Variants in LRPAP1 observed in about 807,000 individuals in gnomAD.
LRPAP1 encodes the protein LDL receptor related protein associated protein 1.
A neutral mutation model predicts 39.9 loss-of-function variants in LRPAP1; 41 were observed. The observed-to-expected ratio is 1.03, with a 90% CI of 0.80 to 1.33. The LOEUF is 1.33. LRPAP1 is among the 40% of genes most tolerant of loss of function. The pLI is 0.00. For synonymous variants in LRPAP1, 263 were observed against 212.7 expected (o/e 1.24, Z -2.06); for missense variants, 565 against 482.3 (o/e 1.17, Z -1.61).
At chr4:3,515,734 C>T (rs1051659946) in intron 6 of LRPAP1, 1 of 266,138 alleles carries the variant, frequency 3.8e-6, no homozygotes, top group Non-Finnish European at 7.3e-6. Context: ...GGTCTCCTTC[C>T]CTCCCTGGGC....
chr4:3,517,604 C>A (rs1368542413), intron 5 of LRPAP1: 2 of 157,600 alleles, frequency 1.3e-5, no homozygotes, highest in Non-Finnish European at 2.8e-5. Flanking sequence ...GACGGAGCCA[C>A]AAGCTCTGTG....
Position 3,506,464 on chromosome 4 carries a change from C to A in LRPAP1, c.*6510G>T, listed in dbSNP as rs1025500772. On this transcript the variant is annotated 3_prime_UTR_variant, in exon 8 of 8. Transcript: ENST00000650182. The stretch of plus-strand genomic sequence containing the variant: ...CTCGGCTCACTGCAACCTCTGCCTC[C>A]CAGGTTCAAGCCATTCTCCTGCCTC... 1 of 152,376 alleles carries A rather than the reference C, an allele frequency of 6.6e-6. No homozygotes were observed. Among genetic ancestry groups the A allele is most frequent in the Non-Finnish European group, 1.5e-5 (1 of 68,264 alleles). 9.4% of individuals were successfully genotyped at this position (152,376 alleles called of 1,614,324 possible). A position where few individuals can be genotyped will look rare whatever the true frequency, so the allele number is the denominator to read the frequency against.
Position 3,505,397 on chromosome 4 carries a change from AGTG to A in LRPAP1, c.*7574_*7576del, listed in dbSNP as rs1227068230. Among the ~76,000 whole-genome samples, 3 of 152,164 alleles carry A rather than the reference AGTG, an allele frequency of 2.0e-5. No individual in the cohort carries two copies. Among genetic ancestry groups the A allele is most frequent in the Non-Finnish European group, 2.9e-5 (2 of 68,016 alleles). On this transcript the variant is annotated 3_prime_UTR_variant, in exon 8 of 8. Coordinates refer to ENST00000650182, the MANE Select transcript of LRPAP1 (RefSeq NM_002337.4). ...GCTGCTGGCCCCATCGCTGGGAAGG[AGTG>A]GTTTGACCCCTCACCACTGAGAGGA...
intron 1 of LRPAP1, among the ~76,000 whole-genome samples, chr4:3,528,112 G>T (rs1049931587): frequency 6.6e-6 from 1 of 152,182 alleles, no homozygotes; most frequent in Non-Finnish European, 1.5e-5. Context: ...AGCAGGTCAC[G>T]TGCAGACCCC....
rs1451849230 is a variant in LRPAP1 at position 3,506,582 on chromosome 4, G to C, written c.*6392C>G. ...AGATGGGGTTTCACCATGTTGGCCA[G>C]GCTGGTCTCAAACTCCTGACCTCAC... is the stretch of plus-strand genomic sequence containing the variant. On this transcript the variant is annotated 3_prime_UTR_variant, in exon 8 of 8. Coordinates refer to ENST00000650182, the MANE Select transcript of LRPAP1 (RefSeq NM_002337.4). 6.6e-6 allele frequency: 1 copy of C among 151,772 alleles called. No individual in the cohort carries two copies. The highest frequency in any genetic ancestry group is 2.4e-5 in the African/African-American group (1 of 41,248). The allele number at this position is 151,772 out of a possible 1,614,324, so 9.4% of individuals were successfully genotyped here.
intron 1 of LRPAP1, among the ~76,000 whole-genome samples, chr4:3,526,007 G>T (rs558180800): frequency 6.6e-6 from 1 of 152,218 alleles, no homozygotes; most frequent in Admixed American, 6.5e-5. Context: ...AGGCTCTTCC[G>T]TGCAGAGCAG....
rs962092420 is a variant in LRPAP1, at chr4:3,504,511, A to T, written c.*8463T>A. The stretch of plus-strand genomic sequence containing the variant: ...ATGCCTACAATCCCAGCACTTTGGG[A>T]GGCCGAGGTGGGCGGATTGCCTGAG... On this transcript the variant is annotated 3_prime_UTR_variant, in exon 8 of 8. Transcript: ENST00000650182. 2 of 151,976 alleles carry T rather than the reference A, an allele frequency of 1.3e-5. No individual in the cohort carries two copies. Among genetic ancestry groups the T allele is most frequent in the Non-Finnish European group, 2.9e-5 (2 of 68,038 alleles). 9.4% of individuals were successfully genotyped at this position (151,976 alleles called of 1,614,324 possible).
chr4:3,527,647 T>C (rs1293684289), intron 1 of LRPAP1, among the ~76,000 whole-genome samples: 1 of 152,210 alleles, frequency 6.6e-6, no homozygotes, highest in East Asian at 1.9e-4. Flanking sequence ...TGCTCTCAAG[T>C]GTGTGCTGGC....
intron 4 of LRPAP1, 66 bp downstream of exon 4, chr4:3,518,805 T>TGCAGGAGGGGTGGGGG: frequency 1.1e-6 from 1 of 946,822 alleles, no homozygotes; most frequent in African/African-American, 2.5e-5. Context: ...GAGCCTCAGG[T>TGCAGGAGGGGTGGGGG]GCAGGAGGGG....
chr4:3,518,669 C>A (rs1184733200), intron 4 of LRPAP1, among the ~76,000 whole-genome samples: 2 of 151,980 alleles, frequency 1.3e-5, no homozygotes, highest in African/African-American at 4.8e-5. Flanking sequence ...AGGCGACTCC[C>A]AGAGCCTGCC....
intron 1 of LRPAP1, among the ~76,000 whole-genome samples, chr4:3,530,847 C>A (rs778661776): frequency 6.6e-6 from 1 of 152,106 alleles, no homozygotes; most frequent in Admixed American, 6.5e-5. Context: ...AAAAGGGAGC[C>A]GCTGGGGTTC....
chr4:3,514,750 A>G lies in LRPAP1; in HGVS notation c.1011+2T>C. The G allele has an allele frequency of 6.3e-7, 1 of 1,598,360 alleles. No individual in the cohort carries two copies. Among genetic ancestry groups the G allele is most frequent in the South Asian group, 1.1e-5 (1 of 90,790 alleles). On this transcript the variant is annotated splice_donor_variant, in intron 7 of 7. Coordinates refer to ENST00000650182, the MANE Select transcript of LRPAP1 (RefSeq NM_002337.4). LOFTEE classifies it high-confidence loss of function. The stretch of plus-strand genomic sequence containing the variant: ...CTCCCCGGTCCTGGAACCCGTGCGC[A>G]CCGTGTAGCCCAGCTCCTTGGTCCG...
At chr4:3,526,931 G>C (rs1730095642) in intron 1 of LRPAP1, among the ~76,000 whole-genome samples, 1 of 152,182 alleles carries the variant, frequency 6.6e-6, no homozygotes, top group Non-Finnish European at 1.5e-5. Context: ...AATTTAGTTA[G>C]GGATGAATTC....
chr4:3,527,979 C>A (rs370242483), intron 1 of LRPAP1, among the ~76,000 whole-genome samples: 12 of 152,188 alleles, frequency 7.9e-5, no homozygotes, highest in African/African-American at 2.9e-4. Flanking sequence ...AATTTCACAC[C>A]GCATGTCTCA....
intron 2 of LRPAP1, among the ~76,000 whole-genome samples, chr4:3,520,954 C>T (rs1729891517): frequency 6.6e-6 from 1 of 152,234 alleles, no homozygotes; most frequent in African/African-American, 2.4e-5. Context: ...AGGCGCTCGA[C>T]GCGGGCCCTG....
Position 3,531,838 on chromosome 4 carries a change from A to AC in LRPAP1, c.204+370dup, listed in dbSNP as rs1229813110. 6 of 293,186 alleles carry AC rather than the reference A, an allele frequency of 2.0e-5. No homozygotes were observed. The Admixed American group carries it at 3.0e-4, about 15-fold the overall frequency. The allele number at this position is 293,186 out of a possible 1,614,324, so 18.2% of individuals were successfully genotyped here. ...AACATTTTGTTTTTCTTGTTTCCCC[A>AC]CATAGGGAGATAAGGTTGAGGGAAC... On this transcript the variant is annotated intron_variant, in intron 1 of 7. Transcript: ENST00000650182.
chr4:3,525,695 C>T (rs1320932538), intron 1 of LRPAP1, among the ~76,000 whole-genome samples: 1 of 152,216 alleles, frequency 6.6e-6, no homozygotes, highest in Non-Finnish European at 1.5e-5. Context: ...CCGCCCCACC[C>T]TCATCCCTCT....
chr4:3,530,646 C>T (rs1730221733), intron 1 of LRPAP1, among the ~76,000 whole-genome samples: 1 of 152,182 alleles, frequency 6.6e-6, no homozygotes, highest in African/African-American at 2.4e-5. Context: ...AGGCGAGCAC[C>T]CAGCACCGGG....
Position 3,509,042 on chromosome 4 carries a change from G to A in LRPAP1, c.*3932C>T, listed in dbSNP as rs10001975. 18,915 of 152,256 alleles carry A rather than the reference G, an allele frequency of 0.12. 1,272 individuals are homozygous for A. Among genetic ancestry groups the A allele is most frequent in the African/African-American group, 0.14 (5,647 of 41,532 alleles). 9.4% of individuals were successfully genotyped at this position (152,256 alleles called of 1,614,324 possible). ...TTAGGGCACAGGATTAAAGCACCAC[G>A]CACAGGTGACAAATGAAATAAAAAT... is the stretch of plus-strand genomic sequence containing the variant. On this transcript the variant is annotated 3_prime_UTR_variant, in exon 8 of 8. Coordinates refer to ENST00000650182, the MANE Select transcript of LRPAP1 (RefSeq NM_002337.4).
Sources: allele counts gnomAD v4.1 joint callset (sites outside exome capture counted in the v4.1 genomes callset), GRCh38; gene constraint gnomAD v4.1.1; transcripts MANE v1.5; gene names NCBI Gene and HGNC (gene_info 2026-07-23, HGNC 2026-07-21).